The following LRCH1 variants were observed in gnomAD, a reference collection of about 807,000 sequenced individuals.
LRCH1 encodes leucine rich repeats and calponin homology domain containing 1, also known as leucine-rich repeat and calponin homology domain-containing protein 1.
LRCH1 carries 23 observed loss-of-function variants against 94.9 expected under a neutral mutation model. The observed-to-expected ratio is 0.24, with a 90% CI of 0.17 to 0.34. The LOEUF is 0.34. LRCH1 is among the 10% of genes least tolerant of loss of function. The pLI is 1.00. For missense variants in LRCH1, 790 were observed against 945.9 expected, an observed-to-expected ratio of 0.84 and a Z score of 2.16; for synonymous variants, 364 against 354.9, an observed-to-expected ratio of 1.03 and a Z score of -0.29.
intron 1 of LRCH1, among the ~76,000 whole-genome samples, chr13:46,559,295 G>C (rs1445084428): frequency 6.6e-6 from 1 of 152,054 alleles, no homozygotes; most frequent in East Asian, 1.9e-4. Flanking sequence ...AATTAAATTT[G>C]GTAGTTTTTA....
Position 46,689,181 on chromosome 13 carries a change from A to T in LRCH1, c.999A>T (p.Arg333=), listed in dbSNP as rs1241308259. 8 of 1,611,204 alleles carry T rather than the reference A, an allele frequency of 5.0e-6. No individual in the cohort carries two copies. Among genetic ancestry groups the T allele is most frequent in the Middle Eastern group, 1.7e-4 (1 of 6,052 alleles). The change falls in exon 7 of 20, where the codon CGA becomes CGT. Residue 333 remains arginine (R), a synonymous_variant. Transcript: ENST00000389797. ...TTGGAAGTGATAATGGAGATAAGCG[A>T]TTATCTGCCACCGAGGTAAAGTTAG... ...SGVGSDNGDK[R]LSATEPSDED...
At chr13:46,724,015 G>A (rs1018313400) in intron 17 of LRCH1, among the ~76,000 whole-genome samples, 1 of 151,734 alleles carries the variant, frequency 6.6e-6, no homozygotes, top group African/African-American at 2.4e-5. Flanking sequence ...TTGAGACAAA[G>A]TCTCACTCTG....
rs1402981077 is a variant in LRCH1, at chr13:46,701,187, T to C, written c.1380T>C (p.Asp460=). Reference sequence around the variant, plus strand: ...TCGAGCAGCTGAGAGAAGCAGTAGATTTGCTGCAAGATCCCAATGGGTGTG... The same window carrying C: ...TCGAGCAGCTGAGAGAAGCAGTAGACTTGCTGCAAGATCCCAATGGGTGTG... ...AMIEQLREAV[D]LLQDPNGLST... Residue 460 remains aspartate, a synonymous_variant, in exon 11 of 20, where the codon GAT becomes GAC. Transcript: ENST00000389797. 2 of 1,613,470 alleles carry C rather than the reference T, an allele frequency of 1.2e-6. No homozygotes were observed. Among genetic ancestry groups the C allele is most frequent in the African/African-American group, 2.7e-5 (2 of 74,920 alleles).
At chr13:46,726,862 C>G (rs1484606881) in intron 17 of LRCH1, among the ~76,000 whole-genome samples, 1 of 78,004 alleles carries the variant, frequency 1.3e-5, no homozygotes, top group African/African-American at 5.5e-5. Context: ...AGAGCAGTGT[C>G]AAAAAAAAAA....
chr13:46,611,844 T>A (rs1447236122), intron 1 of LRCH1, among the ~76,000 whole-genome samples: 3 of 152,252 alleles, frequency 2.0e-5, no homozygotes, highest in Non-Finnish European at 4.4e-5. Context: ...ATTGCATAGG[T>A]GGCTTACATA....
chr13:46,716,684 A>G (rs1403794852), intron 16 of LRCH1, among the ~76,000 whole-genome samples: 6 of 152,184 alleles, frequency 3.9e-5, no homozygotes, highest in Admixed American at 2.6e-4. Context: ...TGCTTCTACA[A>G]TTTCCTTATG....
intron 18 of LRCH1, among the ~76,000 whole-genome samples, chr13:46,732,393 G>T (rs1451265970): frequency 6.6e-6 from 1 of 152,226 alleles, no homozygotes; most frequent in East Asian, 1.9e-4. Flanking sequence ...CAGTGGTGAG[G>T]TTGAAGCTTT....
At position 46,744,098 on chromosome 13, in the gene LRCH1, A is replaced by T; in HGVS notation, c.*2250A>T. The T allele has an allele frequency of 1.0e-6, 1 of 985,428 alleles. No homozygotes were observed. The highest frequency in any genetic ancestry group is 1.2e-6 in the Non-Finnish European group (1 of 829,928). The allele number at this position is 985,428 out of a possible 1,614,324, so 61.0% of individuals were successfully genotyped here. On this transcript the variant is annotated 3_prime_UTR_variant, in exon 20 of 20. Transcript: ENST00000389797. ...ATTGCCAACCCATTAATTTCTAATC[A>T]GAATATTAAGCTTCTCTGTGGTTTT...
chr13:46,623,078 A>C (rs1594293641), intron 1 of LRCH1, among the ~76,000 whole-genome samples: 1 of 152,256 alleles, frequency 6.6e-6, no homozygotes, highest in Admixed American at 6.5e-5. Context: ...TGTCATTTGC[A>C]TGCACTGTAA....
intron 1 of LRCH1, among the ~76,000 whole-genome samples, chr13:46,624,153 G>C (rs9590969): frequency 0.039 from 5,879 of 152,040 alleles, 390 homozygotes; most frequent in African/African-American, 0.13. Context: ...CAAAGTGCTG[G>C]GATTATAGGT....
At chr13:46,672,295 GGC>G (rs1566215136) in intron 3 of LRCH1, among the ~76,000 whole-genome samples, 1 of 151,486 alleles carries the variant, frequency 6.6e-6, no homozygotes, top group Non-Finnish European at 1.5e-5. Context: ...ACATCTTGGT[GGC>G]TTGCAAGTTT....
At chr13:46,707,818 C>T (rs1871845747) in intron 13 of LRCH1, among the ~76,000 whole-genome samples, 1 of 152,092 alleles carries the variant, frequency 6.6e-6, no homozygotes, top group Non-Finnish European at 1.5e-5. Flanking sequence ...CGTTGATTGC[C>T]TCCCATGTGT....
rs199510258 is a variant in LRCH1 at position 46,591,002 on chromosome 13, C to T, written c.307+37299C>T. On this transcript the variant is annotated intron_variant, in intron 1 of 19. Coordinates refer to ENST00000389797, the MANE Select transcript of LRCH1 (RefSeq NM_001164211.2). ...TTTTTTTCCCCCTGTAAGTTCTCTG[C>T]GAGCTATACACCTGTGGAAATATAG... Among the ~76,000 whole-genome samples, 486 of 151,422 alleles carry T rather than the reference C, an allele frequency of 3.2e-3. 2 individuals are homozygous for T. The highest frequency in any genetic ancestry group is 0.02 in the South Asian group (96 of 4,786).
chr13:46,654,417 G>A (rs2051345335), intron 2 of LRCH1, among the ~76,000 whole-genome samples: 2 of 152,158 alleles, frequency 1.3e-5, no homozygotes, highest in South Asian at 2.1e-4. Flanking sequence ...GTGAAGGGTC[G>A]TAGTGGACTT....
At chr13:46,726,449 C>G (rs970270891) in intron 17 of LRCH1, among the ~76,000 whole-genome samples, 10 of 152,146 alleles carry the variant, frequency 6.6e-5, no homozygotes, top group African/African-American at 2.4e-4. Flanking sequence ...TAAAAGCTGA[C>G]TTTCTCTAAC....
chr13:46,558,164 A>T (rs987879015), intron 1 of LRCH1, among the ~76,000 whole-genome samples: 1 of 152,214 alleles, frequency 6.6e-6, no homozygotes, highest in African/African-American at 2.4e-5. Context: ...TCTGTAGGAG[A>T]TGCAAAGTAT....
downstream of LRCH1, among the ~76,000 whole-genome samples, chr13:46,748,645 T>C (rs1275807038): frequency 6.6e-6 from 1 of 152,138 alleles, no homozygotes; most frequent in Non-Finnish European, 1.5e-5. Flanking sequence ...AGCTCACAAC[T>C]CAGACAGAAC....
intron 1 of LRCH1, among the ~76,000 whole-genome samples, chr13:46,568,031 T>G (rs545313620): frequency 6.6e-6 from 1 of 152,352 alleles, no homozygotes; most frequent in South Asian, 2.1e-4. Context: ...CTCAGACCTC[T>G]TCTCTCCTTG....
At chr13:46,677,747 ATT>A (rs1477923166) in intron 3 of LRCH1, among the ~76,000 whole-genome samples, 1 of 152,122 alleles carries the variant, frequency 6.6e-6, no homozygotes, top group Non-Finnish European at 1.5e-5. Flanking sequence ...CAAATTCTCT[ATT>A]TTGTTTTTTA....
Sources: gnomAD v4.1 joint callset for allele counts (sites outside exome capture counted in the v4.1 genomes callset) on GRCh38, gnomAD v4.1.1 for gene constraint, MANE v1.5 for transcripts, NCBI Gene and HGNC (gene_info 2026-07-23, HGNC 2026-07-21) for gene names.